Variants in FREM2 observed in about 807,000 individuals in gnomAD.
FREM2 encodes the protein FRAS1 related extracellular matrix 2.
A neutral mutation model predicts 219.9 loss-of-function variants in FREM2; 119 were observed. The ratio of observed to expected loss-of-function variants is 0.54; its 90% CI spans 0.47 to 0.63. The LOEUF (loss-of-function observed/expected upper bound fraction) is 0.63. FREM2 is among the 30% of genes least tolerant of loss of function. FREM2 has a pLI of 0.00. For synonymous variants in FREM2, 1,562 were observed against 1,522.8 expected (o/e 1.03, Z -0.60); for missense variants, 4,030 against 3,993.6 (o/e 1.01, Z -0.25).
chr13:38,876,016 T>G lies in FREM2; in HGVS notation c.8282-6T>G, dbSNP rs775663216. 5 of 1,612,766 alleles carry G rather than the reference T, an allele frequency of 3.1e-6. No individual in the cohort carries two copies. The Admixed American group carries it at 8.3e-5, about 27-fold the overall frequency. On this transcript the variant is annotated splice_region_variant and splice_polypyrimidine_tract_variant and intron_variant, in intron 18 of 23. Coordinates refer to ENST00000280481, the MANE Select transcript of FREM2 (RefSeq NM_207361.6). ...ATCATTATTATAATTACTGGCACTTTCCTAGCATCCTTTACAAGCTCAGTG... is the reference window on the plus strand; with the variant it reads ...ATCATTATTATAATTACTGGCACTTGCCTAGCATCCTTTACAAGCTCAGTG...
At chr13:38,795,520 G>A (rs765910366) in intron 6 of FREM2, among the ~76,000 whole-genome samples, 4 of 151,974 alleles carry the variant, frequency 2.6e-5, no homozygotes, top group Non-Finnish European at 5.9e-5. Context: ...CATAGAATGT[G>A]CAATGATCAG....
At chr13:38,717,180 G>T (rs968021860) in intron 2 of FREM2, among the ~76,000 whole-genome samples, 3 of 152,096 alleles carry the variant, frequency 2.0e-5, no homozygotes, top group African/African-American at 7.2e-5. Flanking sequence ...TTTTAAAATA[G>T]GTTAGGGGAA....
intron 6 of FREM2, among the ~76,000 whole-genome samples, chr13:38,820,151 G>A (rs1875983071): frequency 6.6e-6 from 1 of 152,032 alleles, no homozygotes; most frequent in Non-Finnish European, 1.5e-5. Flanking sequence ...GTCTCAATCT[G>A]GTACTTCAAT....
At chr13:38,764,749 G>A (rs1403635062) in intron 3 of FREM2, among the ~76,000 whole-genome samples, 2 of 152,096 alleles carry the variant, frequency 1.3e-5, no homozygotes, top group East Asian at 1.9e-4. Context: ...TAATTTACCC[G>A]TAAGATAAAA....
At chr13:38,731,242 A>C (rs1445762534) in intron 2 of FREM2, among the ~76,000 whole-genome samples, 1 of 152,192 alleles carries the variant, frequency 6.6e-6, no homozygotes, top group Non-Finnish European at 1.5e-5. Flanking sequence ...ATTTTATTTT[A>C]TTTAGAAACT....
intron 2 of FREM2, among the ~76,000 whole-genome samples, chr13:38,731,503 T>C (rs1431939868): frequency 1.3e-5 from 2 of 152,156 alleles, no homozygotes; most frequent in Non-Finnish European, 1.5e-5. Context: ...CTAACTAGAA[T>C]ACTTTTGAGA....
rs1272955787 is a variant in FREM2 at position 38,690,143 on chromosome 13, C to T, written c.2799C>T (p.Val933=). Residue 933 remains valine, a synonymous_variant, in exon 1 of 24, where the codon GTC becomes GTT. Transcript: ENST00000280481. ...TGCCCATCACTCTCAGAGTAAATGT[C>T]CGGCCAGTGGATGATGAAGTGCCCA... ...HVVPITLRVN[V]RPVDDEVPIL... is the part of the protein sequence containing the mutation. 2 of 1,614,138 alleles carry T rather than the reference C, an allele frequency of 1.2e-6. No individual in the cohort carries two copies. The highest frequency in any genetic ancestry group is 1.3e-5 in the African/African-American group (1 of 75,044).
At chr13:38,813,561 CTCTA>C (rs1259369806) in intron 6 of FREM2, among the ~76,000 whole-genome samples, 4 of 5,572 alleles carry the variant, frequency 7.2e-4, no homozygotes, top group African/African-American at 1.1e-3. Flanking sequence ...CTCTCTCTCT[CTCTA>C]TATATATATA....
At chr13:38,820,683 T>G (rs1324616234) in intron 6 of FREM2, among the ~76,000 whole-genome samples, 1 of 151,800 alleles carries the variant, frequency 6.6e-6, no homozygotes, top group African/African-American at 2.4e-5. Context: ...GCCAGAGAGG[T>G]CTGGCATATC....
At chr13:38,766,604 A>G (rs1454733213) in intron 3 of FREM2, among the ~76,000 whole-genome samples, 1 of 152,232 alleles carries the variant, frequency 6.6e-6, no homozygotes, top group Non-Finnish European at 1.5e-5. Flanking sequence ...CATTATAGCA[A>G]AAGACAGAGT....
In FREM2 at chr13:38,687,649, G is replaced by C. The variant is rs576435356; in HGVS notation, c.305G>C (p.Gly102Ala). ...LHDLVLQVQPGDRCAVSVLDN... is the reference protein window; with the variant it reads ...LHDLVLQVQPADRCAVSVLDN... ...GACCTGGTGTTGCAGGTGCAGCCCGGGGACCGCTGCGCGGTTTCGGTACTA... is the reference window on the plus strand; with the variant it reads ...GACCTGGTGTTGCAGGTGCAGCCCGCGGACCGCTGCGCGGTTTCGGTACTA... The change falls in exon 1 of 24, where the codon GGG (glycine) becomes GCG (alanine). Residue 102 changes from glycine (G) to alanine (A), a missense_variant. Around this residue, in one of 2 missense-constraint regions of FREM2, gnomAD observed 3,102 missense variants for 2,950.7 expected, o/e 1.05. Transcript: ENST00000280481. 9.8e-5 allele frequency: 157 copies of C among 1,607,486 alleles called. No individual in the cohort carries two copies. The African/African-American group carries it at 1.8e-3, about 19-fold the overall frequency.
intron 5 of FREM2, among the ~76,000 whole-genome samples, chr13:38,784,067 C>A (rs913345301): frequency 1.3e-5 from 2 of 152,256 alleles, no homozygotes; most frequent in African/African-American, 4.8e-5. Flanking sequence ...CCATTGCATT[C>A]CGGCCTGGGC....
Position 38,697,772 on chromosome 13 carries a change from G to T in FREM2, c.5248G>T (p.Ala1750Ser). The T allele has an allele frequency of 6.2e-7, 1 of 1,602,248 alleles. No homozygotes were observed. ...ANATSDMFYF[A>S]VEDGGGNKLT... is the part of the protein sequence containing the mutation. ...TGCCACAAGTGATATGTTCTATTTT[G>T]CAGTTGAAGATGGTGGTAAGTATTC... The change falls in exon 2 of 24, where the codon GCA becomes TCA. Residue 1750 changes from alanine (A) to serine (S), a missense_variant. Around this residue, in one of 2 missense-constraint regions of FREM2, gnomAD observed 3,102 missense variants for 2,950.7 expected, o/e 1.05. Coordinates refer to ENST00000280481, the MANE Select transcript of FREM2 (RefSeq NM_207361.6).
Position 38,876,327 on chromosome 13 carries a change from T to G in FREM2, c.8489T>G (p.Val2830Gly). ...APSHQEYRLPVTCNPREPVTF... is the reference protein window; with the variant it reads ...APSHQEYRLPGTCNPREPVTF... ...TCACATCAGGAATACCGCCTGCCAG[T>G]CACCTGCAACCCCAGAGAACCTGTC... The change falls in exon 20 of 24, where the codon GTC (valine) becomes GGC (glycine). Residue 2830 changes from valine (V) to glycine (G), a missense_variant. Around this residue, in one of 2 missense-constraint regions of FREM2, gnomAD observed 928 missense variants for 1,042.9 expected, o/e 0.89. Coordinates refer to ENST00000280481, the MANE Select transcript of FREM2 (RefSeq NM_207361.6). 6.2e-7 allele frequency: 1 copy of G among 1,614,032 alleles called. No individual in the cohort carries two copies. Among genetic ancestry groups the G allele is most frequent in the Non-Finnish European group, 8.5e-7 (1 of 1,179,956 alleles).
At chr13:38,830,033 T>C (rs1876444667) in intron 6 of FREM2, among the ~76,000 whole-genome samples, 1 of 152,162 alleles carries the variant, frequency 6.6e-6, no homozygotes, top group Admixed American at 6.6e-5. Context: ...CCCTCATCTA[T>C]AGTCTTAGCC....
intron 6 of FREM2, among the ~76,000 whole-genome samples, chr13:38,826,654 A>G (rs1399476113): frequency 6.6e-6 from 1 of 152,126 alleles, no homozygotes; most frequent in African/African-American, 2.4e-5. Flanking sequence ...CTGAGACCTC[A>G]CACAGATTGT....
At chr13:38,783,296 T>C (rs1188459004) in intron 5 of FREM2, 101 bp downstream of exon 5, 13 of 1,257,012 alleles carry the variant, frequency 1.0e-5, no homozygotes, top group African/African-American at 5.9e-5. Flanking sequence ...GGGTATACTT[T>C]ATTAATTTTC....
intron 11 of FREM2, 65 bp downstream of exon 11, chr13:38,851,933 C>T: frequency 7.8e-6 from 11 of 1,417,218 alleles, no homozygotes; most frequent in Non-Finnish European, 1.1e-5. Context: ...GTGCCAGTGC[C>T]CTTAAGGAAA....
chr13:38,836,582 T>C (rs923262897), intron 6 of FREM2, among the ~76,000 whole-genome samples: 1 of 152,212 alleles, frequency 6.6e-6, no homozygotes, highest in Admixed American at 6.5e-5. Flanking sequence ...CCTGGGCTTC[T>C]TTTGGTTTGT....
Sources: allele counts gnomAD v4.1 joint callset (sites outside exome capture counted in the v4.1 genomes callset), GRCh38; gene constraint gnomAD v4.1.1; regional missense constraint gnomAD v4.1.1; transcripts MANE v1.5; gene names NCBI Gene and HGNC (gene_info 2026-07-23, HGNC 2026-07-21).